The following DLGAP1 variants were observed in gnomAD, a reference collection of about 807,000 sequenced individuals.
DLGAP1 encodes disks large-associated protein 1.
Under a neutral mutation model 90.8 loss-of-function variants are expected in DLGAP1, and 11 were observed. That is an observed-to-expected ratio of 0.12 (90% CI 0.08 to 0.20). The LOEUF (loss-of-function observed/expected upper bound fraction) is 0.20. Among genes scored for constraint, DLGAP1 ranks in the 10% least tolerant of loss-of-function variants. DLGAP1 has a pLI of 1.00. For synonymous variants in DLGAP1, 558 were observed against 540.7 expected (o/e 1.03, Z -0.44); for missense variants, 1,050 against 1,333.8 (o/e 0.79, Z 3.31).
At chr18:4,305,905 T>A (rs1126251) in intron 1 of DLGAP1, among the ~76,000 whole-genome samples, 2 of 151,606 alleles carry the variant, frequency 1.3e-5, no homozygotes, top group Admixed American at 1.3e-4. Context: ...TTGGCATGAT[T>A]ATTATTTTTT....
intron 7 of DLGAP1, among the ~76,000 whole-genome samples, chr18:3,666,928 C>A (rs1212499359): frequency 6.6e-6 from 1 of 151,898 alleles, no homozygotes; most frequent in African/African-American, 2.4e-5. Flanking sequence ...TGCTAATTTT[C>A]TTATTTTTAA....
chr18:3,512,826 G>C lies in DLGAP1; in HGVS notation c.2480-4165C>G, dbSNP rs1248231541. Among the ~76,000 whole-genome samples, 5 of 152,218 alleles carry C rather than the reference G, an allele frequency of 3.3e-5. No homozygotes were observed. The East Asian group carries it at 9.6e-4, about 29-fold the overall frequency. On this transcript the variant is annotated intron_variant, in intron 10 of 12. Coordinates refer to ENST00000315677, the MANE Select transcript of DLGAP1 (RefSeq NM_004746.4). ...GAAAATTGCGTCTGAATCTACTTAA[G>C]TGGAAGCTATCCGAGTGTGATTTCC...
At chr18:4,174,427 C>A (rs946556440) in intron 1 of DLGAP1, among the ~76,000 whole-genome samples, 1 of 152,056 alleles carries the variant, frequency 6.6e-6, no homozygotes, top group African/African-American at 2.4e-5. Context: ...CTCCGCCCCC[C>A]GGGTTCAAGC....
At chr18:3,825,087 CAT>C (rs915805818) in intron 4 of DLGAP1, among the ~76,000 whole-genome samples, 9 of 152,194 alleles carry the variant, frequency 5.9e-5, no homozygotes, top group African/African-American at 1.4e-4. Context: ...GTCCCACAAA[CAT>C]GTGTACAGAT....
At chr18:4,428,152 T>C (rs2083198532) in intron 1 of DLGAP1, among the ~76,000 whole-genome samples, 1 of 152,214 alleles carries the variant, frequency 6.6e-6, no homozygotes, top group Non-Finnish European at 1.5e-5. Context: ...TGTCAAATTG[T>C]AATCTCCAGT....
chr18:3,801,737 AAAAC>A (rs1239616633), intron 5 of DLGAP1, among the ~76,000 whole-genome samples: 1 of 152,216 alleles, frequency 6.6e-6, no homozygotes, highest in Non-Finnish European at 1.5e-5. Flanking sequence ...TTCAACAAGA[AAAAC>A]AAATAAAGAA....
intron 1 of DLGAP1, among the ~76,000 whole-genome samples, chr18:4,322,873 C>T (rs2080725576): frequency 1.5e-5 from 2 of 136,842 alleles, no homozygotes. Context: ...AGACAGGAGA[C>T]TGGCATGAAC....
At chr18:4,077,487 T>C (rs2075540899) in intron 2 of DLGAP1, among the ~76,000 whole-genome samples, 1 of 152,130 alleles carries the variant, frequency 6.6e-6, no homozygotes, top group South Asian at 2.1e-4. Flanking sequence ...AATGCCCTCC[T>C]TGTGGCGGAG....
At chr18:4,417,644 G>GTTAACTTTACTTA (rs2082929271) in intron 1 of DLGAP1, among the ~76,000 whole-genome samples, 37 of 152,154 alleles carry the variant, frequency 2.4e-4, no homozygotes, top group Admixed American at 2.4e-3. Context: ...AAAGTGTCCA[G>GTTAACTTTACTTA]AGTGAAGGGC....
rs1016794224 is a variant in DLGAP1 at position 4,378,309 on chromosome 18, A to T, written c.-267+76697T>A. Among the ~76,000 whole-genome samples the T allele has an allele frequency of 6.6e-6, 1 of 151,962 alleles. No individual in the cohort carries two copies. The highest frequency in any genetic ancestry group is 1.5e-5 in the Non-Finnish European group (1 of 67,970). ...TTTAGTTTTGTGTTACTTACATTGA[A>T]CATGTAACTCTATCACTTTTCAATT... is the stretch of plus-strand genomic sequence containing the variant. On this transcript the variant is annotated intron_variant, in intron 1 of 12. Coordinates refer to ENST00000315677, the MANE Select transcript of DLGAP1 (RefSeq NM_004746.4). The surrounding 1 kb of genome is among the most constrained non-coding windows in gnomAD (Gnocchi z 4.5).
At chr18:3,644,393 CTATTT>C (rs1400765390) in intron 7 of DLGAP1, among the ~76,000 whole-genome samples, 11 of 148,066 alleles carry the variant, frequency 7.4e-5, no homozygotes, top group Admixed American at 6.7e-5. Flanking sequence ...GTTTACAATA[CTATTT>C]TATTTTATTT....
intron 10 of DLGAP1, among the ~76,000 whole-genome samples, chr18:3,520,458 C>T (rs2051109872): frequency 6.6e-6 from 1 of 152,210 alleles, no homozygotes; most frequent in Non-Finnish European, 1.5e-5. Flanking sequence ...AATTCCTAAC[C>T]TCCAGTACCT....
At chr18:3,990,398 A>T (rs931957723) in intron 3 of DLGAP1, among the ~76,000 whole-genome samples, 2 of 147,938 alleles carry the variant, frequency 1.4e-5, no homozygotes, top group African/African-American at 5.0e-5. Flanking sequence ...AAAACCAAAC[A>T]CCACATGTTC....
Position 4,106,186 on chromosome 18 carries a change from C to T in DLGAP1, c.-159+44994G>A, listed in dbSNP as rs545892008. 2.6e-5 allele frequency among the ~76,000 whole-genome samples: 4 copies of T among 152,162 alleles called. 1 individual carries two copies. The South Asian group carries it at 8.3e-4, about 32-fold the overall frequency. On this transcript the variant is annotated intron_variant, in intron 2 of 12. Transcript: ENST00000315677. The stretch of plus-strand genomic sequence containing the variant: ...ACATGGCCAGGAAAAGATTGCTCAT[C>T]TCAACTCAGAGGATAAGGGCCACAA...
chr18:3,925,039 G>A (rs368011674), intron 3 of DLGAP1, among the ~76,000 whole-genome samples: 1 of 151,980 alleles, frequency 6.6e-6, no homozygotes, highest in Non-Finnish European at 1.5e-5. Flanking sequence ...CGCAACCTCC[G>A]CCGCCTGAGT....
chr18:4,098,457 G>C (rs1338238770), intron 2 of DLGAP1, among the ~76,000 whole-genome samples: 2 of 152,162 alleles, frequency 1.3e-5, no homozygotes, highest in Non-Finnish European at 2.9e-5. Flanking sequence ...AGAGGAGGCT[G>C]TTTCACCAGT....
intron 1 of DLGAP1, among the ~76,000 whole-genome samples, chr18:4,334,465 G>A (rs2081026363): frequency 6.6e-6 from 1 of 151,856 alleles, no homozygotes; most frequent in Non-Finnish European, 1.5e-5. Flanking sequence ...AGTTATCTCT[G>A]TATTGCCATA....
intron 2 of DLGAP1, among the ~76,000 whole-genome samples, chr18:4,123,526 C>T (rs1050163035): frequency 6.6e-6 from 1 of 152,180 alleles, no homozygotes; most frequent in Non-Finnish European, 1.5e-5. Flanking sequence ...AAGTGACCAT[C>T]TTAAGTAATG....
At chr18:4,193,277 T>C (rs953634912) in intron 1 of DLGAP1, among the ~76,000 whole-genome samples, 3 of 152,220 alleles carry the variant, frequency 2.0e-5, no homozygotes, top group Non-Finnish European at 4.4e-5. Context: ...GAATTCATAT[T>C]TGATCTCATT....
Sources: allele counts gnomAD v4.1 joint callset (sites outside exome capture counted in the v4.1 genomes callset), GRCh38; gene constraint gnomAD v4.1.1; non-coding constraint Gnocchi (gnomAD v3.1); transcripts MANE v1.5; gene names NCBI Gene and HGNC (gene_info 2026-07-23, HGNC 2026-07-21).